BRINP1: variants seen among roughly 807,000 people sequenced by gnomAD.
The protein encoded by BRINP1 is BMP/retinoic acid-inducible neural-specific protein 1.
Under a neutral mutation model 72.9 loss-of-function variants are expected in BRINP1, and 17 were observed. The ratio of observed to expected loss-of-function variants is 0.23; its 90% CI spans 0.16 to 0.35. The LOEUF (loss-of-function observed/expected upper bound fraction) is 0.35, where lower values mean the gene tolerates loss of function less well. Ranked by LOEUF, BRINP1 falls within the 10% of genes least tolerant of loss-of-function variation. The pLI, the probability that BRINP1 is intolerant of heterozygous loss-of-function variation, is 1.00. For synonymous variants in BRINP1, 418 were observed against 378.5 expected (o/e 1.10, Z -1.21); for missense variants, 850 against 1,001.6 (o/e 0.85, Z 2.04).
chr9:119,340,217 A>T (rs1472934966), intron 1 of BRINP1, among the ~76,000 whole-genome samples: 2 of 152,246 alleles, frequency 1.3e-5, no homozygotes, highest in African/African-American at 4.8e-5. Flanking sequence ...AATCAGGACA[A>T]TTAAAAATAA....
intron 5 of BRINP1, among the ~76,000 whole-genome samples, chr9:119,234,273 C>G (rs1029025287): frequency 6.6e-6 from 1 of 152,126 alleles, no homozygotes; most frequent in Non-Finnish European, 1.5e-5. Flanking sequence ...CACATTGTCC[C>G]TCCTTGATAT....
At chr9:119,173,192 G>A (rs1829437628) in intron 7 of BRINP1, among the ~76,000 whole-genome samples, 1 of 150,690 alleles carries the variant, frequency 6.6e-6, no homozygotes, top group Admixed American at 6.6e-5. Flanking sequence ...AAGTCAAATT[G>A]TCCCTGTTTG....
At chr9:119,191,297 G>A (rs965235248) in intron 7 of BRINP1, among the ~76,000 whole-genome samples, 53 of 151,522 alleles carry the variant, frequency 3.5e-4, no homozygotes, top group Non-Finnish European at 6.6e-4. Flanking sequence ...AGCCAGACAA[G>A]AAAAAGAAAT....
chr9:119,332,816 A>G (rs983302270), intron 1 of BRINP1, among the ~76,000 whole-genome samples: 4 of 152,150 alleles, frequency 2.6e-5, no homozygotes, highest in Non-Finnish European at 5.9e-5. Flanking sequence ...TGCCCCACTG[A>G]TGCATGAGCT....
chr9:119,205,268 G>A (rs1053884230), intron 7 of BRINP1, among the ~76,000 whole-genome samples: 11 of 152,180 alleles, frequency 7.2e-5, no homozygotes, highest in South Asian at 4.1e-4. Context: ...CCTACCCCTC[G>A]GTACCTAGCA....
At chr9:119,187,949 T>A (rs570141614) in intron 7 of BRINP1, among the ~76,000 whole-genome samples, 115 of 152,292 alleles carry the variant, frequency 7.6e-4, no homozygotes, top group African/African-American at 2.7e-3. Flanking sequence ...AATAGCTGCC[T>A]ACATCAAGTA....
intron 1 of BRINP1, among the ~76,000 whole-genome samples, chr9:119,333,480 A>T (rs953872290): frequency 2.6e-5 from 4 of 151,718 alleles, no homozygotes; most frequent in Admixed American, 2.0e-4. Flanking sequence ...AAAAAAAAAA[A>T]AAAAGTTCTT....
At chr9:119,220,467 T>G (rs557521987) in intron 5 of BRINP1, among the ~76,000 whole-genome samples, 2 of 152,280 alleles carry the variant, frequency 1.3e-5, no homozygotes, top group East Asian at 3.9e-4. Flanking sequence ...ATCGCTGACT[T>G]TGATTCTGCT....
At position 119,364,396 on chromosome 9, in the gene BRINP1, T is replaced by C. The variant is rs555602912; in HGVS notation, c.-51+4660A>G. 2.0e-5 allele frequency among the ~76,000 whole-genome samples: 3 copies of C among 152,210 alleles called. No individual in the cohort carries two copies. The South Asian group carries it at 6.2e-4, about 32-fold the overall frequency. The stretch of plus-strand genomic sequence containing the variant: ...ACTGAGACTGAATGGTCATGTATTA[T>C]TGGCATTACAAAAAGGACTCGTCAT... On this transcript the variant is annotated intron_variant, in intron 1 of 7. Coordinates refer to ENST00000265922, the MANE Select transcript of BRINP1 (RefSeq NM_014618.3).
At chr9:119,301,062 C>T (rs139806926) in intron 2 of BRINP1, among the ~76,000 whole-genome samples, 2 of 152,330 alleles carry the variant, frequency 1.3e-5, no homozygotes, top group Non-Finnish European at 1.5e-5. Context: ...TATCCCAGCT[C>T]TCTCTGCTAA....
chr9:119,223,977 CT>C (rs992179292), intron 5 of BRINP1, among the ~76,000 whole-genome samples: 4 of 151,900 alleles, frequency 2.6e-5, no homozygotes, highest in Admixed American at 1.3e-4. Flanking sequence ...AACTTTATCT[CT>C]TTTTTTTGCA....
intron 1 of BRINP1, among the ~76,000 whole-genome samples, chr9:119,329,149 G>T (rs1451643693): frequency 6.6e-6 from 1 of 152,140 alleles, no homozygotes; most frequent in Non-Finnish European, 1.5e-5. Context: ...GTGGCTTTGA[G>T]TTCTTCCCTG....
chr9:119,206,417 C>T (rs1201924506), intron 7 of BRINP1, among the ~76,000 whole-genome samples: 5 of 66,148 alleles, frequency 7.6e-5, no homozygotes, highest in Non-Finnish European at 1.2e-4. Flanking sequence ...GAGACTCCAT[C>T]TCAAAAAAAA....
intron 5 of BRINP1, among the ~76,000 whole-genome samples, chr9:119,235,973 C>G (rs1187327779): frequency 1.3e-5 from 2 of 152,136 alleles, no homozygotes; most frequent in Non-Finnish European, 2.9e-5. Flanking sequence ...TAAATGTGTA[C>G]TAGAAAGATC....
At position 119,326,963 on chromosome 9, in the gene BRINP1, G is replaced by A. The variant is rs561191409; in HGVS notation, c.-50-13558C>T. On this transcript the variant is annotated intron_variant, in intron 1 of 7. Coordinates refer to ENST00000265922, the MANE Select transcript of BRINP1 (RefSeq NM_014618.3). ...GTTTGGCCTGCATTTCAGACCAAGA[G>A]AAGCATGTGAAATGGCATGAAGGAG... Among the ~76,000 whole-genome samples, 415 of 152,274 alleles carry A rather than the reference G, an allele frequency of 2.7e-3. 2 individuals carry two copies. Among genetic ancestry groups the A allele is most frequent in the Non-Finnish European group, 4.9e-3 (336 of 68,022 alleles).
chr9:119,312,427 CA>C (rs1831077473), intron 2 of BRINP1, among the ~76,000 whole-genome samples: 1 of 152,030 alleles, frequency 6.6e-6, no homozygotes, highest in Non-Finnish European at 1.5e-5. Flanking sequence ...ACTCTGATTC[CA>C]AATGATTTTA....
chr9:119,170,918 G>A (rs1239771993), intron 7 of BRINP1, among the ~76,000 whole-genome samples: 4 of 144,182 alleles, frequency 2.8e-5, no homozygotes, highest in East Asian at 4.0e-4. Flanking sequence ...ATACTTTACA[G>A]ACAAGCAAAT....
chr9:119,352,078 G>A (rs1256915270), intron 1 of BRINP1, among the ~76,000 whole-genome samples: 1 of 152,074 alleles, frequency 6.6e-6, no homozygotes, highest in Non-Finnish European at 1.5e-5. Context: ...GATTACAGGT[G>A]TGAGCCACCA....
intron 7 of BRINP1, among the ~76,000 whole-genome samples, chr9:119,194,082 G>A (rs1829708660): frequency 6.6e-6 from 1 of 152,162 alleles, no homozygotes; most frequent in African/African-American, 2.4e-5. Flanking sequence ...AGACATGTGA[G>A]GGAAGCCTTC....
Sources: allele counts gnomAD v4.1 joint callset (sites outside exome capture counted in the v4.1 genomes callset), GRCh38; gene constraint gnomAD v4.1.1; transcripts MANE v1.5; gene names NCBI Gene and HGNC (gene_info 2026-07-23, HGNC 2026-07-21).